The following ACP6 variants were observed in gnomAD, a reference collection of about 807,000 sequenced individuals.
The protein encoded by ACP6 is lysophosphatidic acid phosphatase type 6.
A neutral mutation model predicts 48.1 loss-of-function variants in ACP6; 48 were observed. The ratio of observed to expected loss-of-function variants is 1.00; its 90% CI spans 0.79 to 1.27. The LOEUF is 1.27. ACP6 is among the 50% of genes most tolerant of loss of function. The pLI, the probability that ACP6 is intolerant of heterozygous loss-of-function variation, is 0.00. For synonymous variants in ACP6, 172 were observed against 204.2 expected (o/e 0.84, Z 1.34); for missense variants, 485 against 529.1 (o/e 0.92, Z 0.82).
chr1:147,635,718 T>C (rs1173413397), intron 5 of ACP6, among the ~76,000 whole-genome samples: 3 of 152,174 alleles, frequency 2.0e-5, no homozygotes, highest in African/African-American at 7.2e-5. Flanking sequence ...TTCCTCCACA[T>C]GGAGATGAAT....
chr1:147,652,681 TG>T (rs781852988), intron 6 of ACP6, 132 bp from the exon 7 acceptor site: 2 of 1,592,934 alleles, frequency 1.3e-6, no homozygotes, highest in Middle Eastern at 3.6e-4. Context: ...AGAACAGCTA[TG>T]TCTGTTAACA....
intron 8 of ACP6, chr1:147,649,942 T>A: frequency 1.9e-6 from 1 of 525,428 alleles, no homozygotes; most frequent in Non-Finnish European, 3.3e-6. Context: ...AAAAATAAAA[T>A]TTTCAAAACA....
In ACP6 at chr1:147,647,442, T is replaced by C. The variant is rs1659674796; in HGVS notation, c.1268A>G (p.Glu423Gly). 3 of 1,614,096 alleles carry C rather than the reference T, an allele frequency of 1.9e-6. No individual in the cohort carries two copies. Among genetic ancestry groups the C allele is most frequent in the Non-Finnish European group, 2.5e-6 (3 of 1,180,030 alleles). ...AATCAGTTACTCTTCATTTCCAACTTCCATCACCTGAGTTTGAGAGCAGAG... is the reference window on the plus strand; with the variant it reads ...AATCAGTTACTCTTCATTTCCAACTCCCATCACCTGAGTTTGAGAGCAGAG... ...HALCSQTQVM[E>G]VGNEE is the part of the protein sequence containing the mutation. Residue 423 changes from glutamate to glycine, a missense_variant, in exon 10 of 10, where the codon GAA becomes GGA. Transcript: ENST00000583509.
At chr1:147,667,624 T>C (rs890841894) in intron 1 of ACP6, among the ~76,000 whole-genome samples, 10 of 152,170 alleles carry the variant, frequency 6.6e-5, no homozygotes, top group Non-Finnish European at 1.0e-4. Context: ...TCAGGAAACA[T>C]GTACCAAAGA....
In ACP6 at chr1:147,655,187, G is replaced by A. The variant is rs199697773; in HGVS notation, c.621C>T (p.Ser207=). Residue 207 remains serine, a synonymous_variant, in exon 5 of 10, where the codon AGC becomes AGT. Coordinates refer to ENST00000583509, the MANE Select transcript of ACP6 (RefSeq NM_016361.5). ...TGGTTCTCTGCCTCAGGCTCCAGCAGCTTTGGTAGTTGGGATACAAGACTT... is the reference window on the plus strand; with the variant it reads ...TGGTTCTCTGCCTCAGGCTCCAGCAACTTTGGTAGTTGGGATACAAGACTT... ...DSEVLYPNYQ[S]CWSLRQRTRG... is the part of the protein sequence containing the mutation. 7.5e-6 allele frequency: 12 copies of A among 1,608,610 alleles called. No individual in the cohort carries two copies. Among genetic ancestry groups the A allele is most frequent in the African/African-American group, 1.3e-5 (1 of 74,966 alleles).
intron 7 of ACP6, 70 bp from the exon 8 acceptor site, chr1:147,650,308 C>T (rs782307947): frequency 3.6e-6 from 4 of 1,117,240 alleles, no homozygotes; most frequent in East Asian, 2.7e-5. Flanking sequence ...ACTGATTCTG[C>T]CCCCAGGACC....
intron 4 of ACP6, among the ~76,000 whole-genome samples, 155 bp downstream of exon 4, chr1:147,658,805 C>T (rs587743530): frequency 1.2e-4 from 18 of 152,196 alleles, no homozygotes; most frequent in Non-Finnish European, 2.1e-4. Flanking sequence ...TAAGGCCAGA[C>T]AGGGAAAGAC....
At chr1:147,632,872 T>C (rs1570935894) in intron 5 of ACP6, among the ~76,000 whole-genome samples, 1 of 151,766 alleles carries the variant, frequency 6.6e-6, no homozygotes, top group African/African-American at 2.4e-5. Context: ...GAGTAAAGGG[T>C]GAAGCAAAGA....
rs1553214274 is a variant in ACP6, at chr1:147,669,768, G to T, written c.219+62C>A. Reference sequence around the variant, plus strand: ...AAGCTCTGAAGATGTGTGTCAGGGCGAGACTCCTGGCCTGGCACACGGTCC... The same window carrying T: ...AAGCTCTGAAGATGTGTGTCAGGGCTAGACTCCTGGCCTGGCACACGGTCC... On this transcript the variant is annotated intron_variant, in intron 1 of 9. Transcript: ENST00000583509. The T allele has an allele frequency of 9.2e-5, 135 of 1,466,280 alleles. 1 individual carries two copies. In the South Asian group the frequency reaches 1.7e-3, roughly 18 times the overall value. The allele number at this position is 1,466,280 out of a possible 1,614,324, so 90.8% of individuals were successfully genotyped here.
chr1:147,668,415 G>GATATAT (rs79430492), intron 1 of ACP6, among the ~76,000 whole-genome samples: 82 of 146,402 alleles, frequency 5.6e-4, no homozygotes, highest in Middle Eastern at 3.5e-3. Context: ...GTGCCTTCAG[G>GATATAT]ATATATATAT....
chr1:147,662,490 C>T (rs371837727), intron 1 of ACP6, among the ~76,000 whole-genome samples: 1 of 152,174 alleles, frequency 6.6e-6, no homozygotes, highest in African/African-American at 2.4e-5. Flanking sequence ...GACTCCAACC[C>T]TCATGGATGA....
chr1:147,668,084 T>C (rs1031717066), intron 1 of ACP6, among the ~76,000 whole-genome samples: 5 of 152,154 alleles, frequency 3.3e-5, no homozygotes, highest in African/African-American at 1.2e-4. Flanking sequence ...GAGGCTAATA[T>C]TTGCTCATAG....
At chr1:147,655,498 T>C (rs1202861248) in intron 4 of ACP6, among the ~76,000 whole-genome samples, 4 of 152,188 alleles carry the variant, frequency 2.6e-5, no homozygotes, top group Non-Finnish European at 5.9e-5. Context: ...CAAGCCCTCC[T>C]ATCGGGCCAC....
At position 147,654,343 on chromosome 1, in the gene ACP6, A is replaced by C; in HGVS notation, c.648-17T>G. 1.2e-6 allele frequency: 2 copies of C among 1,613,370 alleles called. No homozygotes were observed. The highest frequency in any genetic ancestry group is 1.7e-6 in the Non-Finnish European group (2 of 1,179,856). On this transcript the variant is annotated splice_polypyrimidine_tract_variant and intron_variant, in intron 5 of 9. Transcript: ENST00000583509. ...CTCCGGCCTCTGACAAAAAATAAAA[A>C]GTAAAGCCTTATATTCTATAGTGAT...
intron 5 of ACP6, among the ~76,000 whole-genome samples, chr1:147,635,816 G>A (rs1370069703): frequency 1.3e-5 from 2 of 152,220 alleles, no homozygotes; most frequent in Non-Finnish European, 2.9e-5. Context: ...CAGTCCGCAG[G>A]CAGGAAGAAG....
intron 1 of ACP6, among the ~76,000 whole-genome samples, chr1:147,661,882 G>A (rs994228992): frequency 3.9e-5 from 6 of 152,228 alleles, no homozygotes; most frequent in African/African-American, 1.4e-4. Flanking sequence ...TTCATAGCTA[G>A]AGAGAAAGTC....
exon 6 of ACP6, chr1:147,630,738 G>C (rs1301325069): frequency 1.3e-5 from 2 of 152,332 alleles, no homozygotes; most frequent in African/African-American, 4.8e-5. Flanking sequence ...ATTGGGTTCA[G>C]TCAAAATGTA....
chr1:147,645,868 T>C lies in ACP6; in HGVS notation c.*1555A>G, dbSNP rs1659604181. The C allele has an allele frequency of 6.6e-6, 1 of 152,026 alleles. No individual in the cohort carries two copies. Among genetic ancestry groups the C allele is most frequent in the African/African-American group, 2.4e-5 (1 of 41,362 alleles). The allele number at this position is 152,026 out of a possible 1,614,324, so 9.4% of individuals were successfully genotyped here. A position where few individuals can be genotyped will look rare whatever the true frequency, so the allele number is the denominator to read the frequency against. ...TTTGTATTGCTAATAGAATAATTGG[T>C]CAGGAAAAAAATTGACAATCCAGAA... On this transcript the variant is annotated 3_prime_UTR_variant, in exon 10 of 10. Coordinates refer to ENST00000583509, the MANE Select transcript of ACP6 (RefSeq NM_016361.5).
rs1482119143 is a variant in ACP6 at position 147,644,027 on chromosome 1, A to G, written c.*3396T>C. ...GCCCTTTTTATAATGGCATTAATCC[A>G]TTAAACATCCCCATTAGGCTCCACC... On this transcript the variant is annotated 3_prime_UTR_variant, in exon 10 of 10. Transcript: ENST00000583509. The G allele has an allele frequency of 2.0e-5, 3 of 152,184 alleles. No homozygotes were observed. Among genetic ancestry groups the G allele is most frequent in the Non-Finnish European group, 2.9e-5 (2 of 68,036 alleles). The allele number at this position is 152,184 out of a possible 1,614,324, so 9.4% of individuals were successfully genotyped here. A position where few individuals can be genotyped will look rare whatever the true frequency, so the allele number is the denominator to read the frequency against.
Sources: allele counts gnomAD v4.1 joint callset (sites outside exome capture counted in the v4.1 genomes callset), GRCh38; gene constraint gnomAD v4.1.1; transcripts MANE v1.5; gene names NCBI Gene and HGNC (gene_info 2026-07-23, HGNC 2026-07-21).